Variants in OPRD1 observed in about 807,000 individuals in gnomAD.
The protein encoded by OPRD1 is opioid receptor delta 1.
A neutral mutation model predicts 17.5 loss-of-function variants in OPRD1; 19 were observed. That is an observed-to-expected ratio of 1.09 (90% CI 0.76 to 1.60). The LOEUF is 1.60. OPRD1 is among the 40% of genes most tolerant of loss of function. The pLI, the probability that OPRD1 is intolerant of heterozygous loss-of-function variation, is 0.00. For synonymous variants in OPRD1, 256 were observed against 240.9 expected, an observed-to-expected ratio of 1.06 and a Z score of -0.58; for missense variants, 483 against 547.2, an observed-to-expected ratio of 0.88 and a Z score of 1.17.
chr1:28,846,888 TTCTTTTC>T (rs1557576059), intron 1 of OPRD1, among the ~76,000 whole-genome samples: 107 of 57,338 alleles, frequency 1.9e-3, no homozygotes, highest in African/African-American at 3.6e-3. Context: ...CTTTCTTTCT[TTCTTTTC>T]TCTTTCTTTC....
At chr1:28,833,073 A>G (rs1388390373) in intron 1 of OPRD1, among the ~76,000 whole-genome samples, 2 of 152,240 alleles carry the variant, frequency 1.3e-5, no homozygotes, top group African/African-American at 4.8e-5. Flanking sequence ...GTTTGACAAG[A>G]TTAGAAGGCT....
At chr1:28,818,280 C>G (rs959153186) in intron 1 of OPRD1, among the ~76,000 whole-genome samples, 13 of 152,188 alleles carry the variant, frequency 8.5e-5, no homozygotes, top group Admixed American at 4.6e-4. Context: ...CCATGCCAGG[C>G]CTGTCCAGCC....
intron 1 of OPRD1, among the ~76,000 whole-genome samples, chr1:28,843,438 C>A (rs1424782523): frequency 1.3e-5 from 2 of 152,122 alleles, no homozygotes; most frequent in East Asian, 3.8e-4. Flanking sequence ...AGTAACTGCC[C>A]ATCCTCCCCT....
intron 2 of OPRD1, among the ~76,000 whole-genome samples, chr1:28,862,499 C>T (rs987061843): frequency 2.3e-4 from 35 of 152,156 alleles, no homozygotes; most frequent in African/African-American, 8.2e-4. Flanking sequence ...GAAAAGGGGC[C>T]AGGAGAGAAC....
At chr1:28,852,261 G>C (rs1342808867) in intron 1 of OPRD1, among the ~76,000 whole-genome samples, 1 of 151,220 alleles carries the variant, frequency 6.6e-6, no homozygotes, top group Non-Finnish European at 1.5e-5. Context: ...AAAACAAAAA[G>C]AACTGGTAGA....
At chr1:28,850,481 G>A (rs1409287068) in intron 1 of OPRD1, among the ~76,000 whole-genome samples, 1 of 151,886 alleles carries the variant, frequency 6.6e-6, no homozygotes, top group Non-Finnish European at 1.5e-5. Context: ...GCTCCACCAC[G>A]CCTGGCTAAT....
chr1:28,851,292 C>A (rs566268940), intron 1 of OPRD1, among the ~76,000 whole-genome samples: 8 of 152,152 alleles, frequency 5.3e-5, no homozygotes, highest in Non-Finnish European at 1.2e-4. Context: ...AATGAGGGAG[C>A]CATGCCTTCA....
At position 28,812,327 on chromosome 1, in the gene OPRD1, G is replaced by C. The variant is rs546995384; in HGVS notation, c.-57G>C. ...CTGCCTTGCCGCTCCCCTCGCGTCG[G>C]ATCCCCGCGCCCAGGGCGCACGGTG... On this transcript the variant is annotated 5_prime_UTR_variant, in exon 1 of 3. Transcript: ENST00000234961. 1 of 1,207,726 alleles carries C rather than the reference G, an allele frequency of 8.3e-7. No homozygotes were observed. The highest frequency in any genetic ancestry group is 1.0e-6 in the Non-Finnish European group (1 of 958,962). 74.8% of individuals were successfully genotyped at this position (1,207,726 alleles called of 1,614,324 possible).
At chr1:28,818,461 C>G (rs963428351) in intron 1 of OPRD1, among the ~76,000 whole-genome samples, 2 of 152,116 alleles carry the variant, frequency 1.3e-5, no homozygotes, top group Non-Finnish European at 1.5e-5. Flanking sequence ...GAGGGGATGC[C>G]TGTGCATCAT....
intron 1 of OPRD1, among the ~76,000 whole-genome samples, chr1:28,843,830 T>C (rs1445739505): frequency 1.3e-5 from 2 of 152,096 alleles, no homozygotes; most frequent in African/African-American, 4.8e-5. Context: ...AGGCTAGAAA[T>C]TTCCTTCTTT....
In OPRD1 at chr1:28,833,544, C is replaced by T. The variant is rs141348533; in HGVS notation, c.227+20934C>T. Among the ~76,000 whole-genome samples, 636 of 152,266 alleles carry T rather than the reference C, an allele frequency of 4.2e-3. 22 individuals carry two copies. Among genetic ancestry groups the T allele is most frequent in the Non-Finnish European group, 9.0e-4 (61 of 68,040 alleles). On this transcript the variant is annotated intron_variant, in intron 1 of 2. Coordinates refer to ENST00000234961, the MANE Select transcript of OPRD1 (RefSeq NM_000911.4). The stretch of plus-strand genomic sequence containing the variant: ...CTTTGAACTGATTGGAAAAGGCCAA[C>T]CCAGATGATCAAGGATAATCTCCTT...
At chr1:28,828,102 C>G (rs956590135) in intron 1 of OPRD1, among the ~76,000 whole-genome samples, 6 of 152,040 alleles carry the variant, frequency 3.9e-5, no homozygotes, top group Admixed American at 1.3e-4. Flanking sequence ...CTGCCCAGAT[C>G]CATGAGAGGA....
Position 28,863,258 on chromosome 1 carries a change from G to A in OPRD1, c.1094G>A (p.Gly365Asp), listed in dbSNP as rs781771653. The change falls in exon 3 of 3, where the codon GGT (glycine) becomes GAT (aspartate). Residue 365 changes from glycine (G) to aspartate (D), a missense_variant. Transcript: ENST00000234961. ...ERVTACTPSD[G>D]PGGGAAA ...GTCACCGCCTGCACCCCGTCCGATG[G>A]TCCCGGCGGTGGCGCTGCCGCCTGA... The A allele has an allele frequency of 3.9e-5, 58 of 1,482,882 alleles. 1 individual carries two copies. In the Admixed American group the frequency reaches 7.2e-4, roughly 19 times the overall value. The allele number at this position is 1,482,882 out of a possible 1,614,324, so 91.9% of individuals were successfully genotyped here. A position where few individuals can be genotyped will look rare whatever the true frequency, so the allele number is the denominator to read the frequency against.
intron 1 of OPRD1, among the ~76,000 whole-genome samples, chr1:28,815,310 T>C (rs1387415320): frequency 6.6e-6 from 1 of 152,188 alleles, no homozygotes; most frequent in Non-Finnish European, 1.5e-5. Flanking sequence ...TTTGCCATGT[T>C]GCCTAGGCTG....
At chr1:28,858,200 G>A (rs2089076156) in intron 1 of OPRD1, among the ~76,000 whole-genome samples, 1 of 145,800 alleles carries the variant, frequency 6.9e-6, no homozygotes, top group South Asian at 2.2e-4. Flanking sequence ...TGCAAGCTCC[G>A]CCTCCCGGGT....
chr1:28,838,187 T>C (rs529340076), intron 1 of OPRD1, among the ~76,000 whole-genome samples: 76 of 152,272 alleles, frequency 5.0e-4, no homozygotes, highest in African/African-American at 1.8e-3. Context: ...GTTCCATTCA[T>C]GGACCTACCC....
chr1:28,827,317 G>A (rs577641273), intron 1 of OPRD1, among the ~76,000 whole-genome samples: 1 of 152,060 alleles, frequency 6.6e-6, no homozygotes, highest in Non-Finnish European at 1.5e-5. Context: ...AAAACCAAAA[G>A]AAACCACTTT....
At chr1:28,844,869 C>T (rs1283104778) in intron 1 of OPRD1, among the ~76,000 whole-genome samples, 2 of 151,968 alleles carry the variant, frequency 1.3e-5, no homozygotes, top group South Asian at 2.1e-4. Context: ...CTCAGTCTCC[C>T]GAGTAGCTGG....
intron 2 of OPRD1, among the ~76,000 whole-genome samples, chr1:28,859,753 C>T (rs576878425): frequency 6.6e-6 from 1 of 152,290 alleles, no homozygotes; most frequent in Non-Finnish European, 1.5e-5. Context: ...TTTTAAACTC[C>T]CTTTCATCCT....
Sources: allele counts gnomAD v4.1 joint callset (sites outside exome capture counted in the v4.1 genomes callset), GRCh38; gene constraint gnomAD v4.1.1; transcripts MANE v1.5; gene names NCBI Gene and HGNC (gene_info 2026-07-23, HGNC 2026-07-21).